Variants in CDIN1 observed in about 807,000 individuals in gnomAD.
The protein encoded by CDIN1 is CDAN1-interacting nuclease 1.
CDIN1 carries 33 observed loss-of-function variants against 45.3 expected under a neutral mutation model. The observed-to-expected ratio is 0.73, with a 90% CI of 0.55 to 0.97. The LOEUF (loss-of-function observed/expected upper bound fraction) is 0.97, where lower values mean the gene tolerates loss of function less well. Among genes scored for constraint, CDIN1 ranks in the 50% least tolerant of loss-of-function variants. The probability of loss-of-function intolerance (pLI) is 0.00; values close to 1 mark genes in which losing one functional copy is unlikely to be tolerated. For synonymous variants in CDIN1, 118 were observed against 124.4 expected (o/e 0.95, Z 0.34); for missense variants, 303 against 339.4 (o/e 0.89, Z 0.84).
At chr15:36,752,043 G>C (rs925633623) in intron 10 of CDIN1, among the ~76,000 whole-genome samples, 5 of 152,104 alleles carry the variant, frequency 3.3e-5, no homozygotes, top group African/African-American at 1.2e-4. Flanking sequence ...GCTAATGGAT[G>C]CTGGGCTTAA....
rs535875682 is a variant in CDIN1 at position 36,623,187 on chromosome 15, A to G, written c.102-21091A>G. Among the ~76,000 whole-genome samples the G allele has an allele frequency of 6.6e-5, 10 of 152,228 alleles. No individual in the cohort carries two copies. The East Asian group carries it at 1.9e-3, about 29-fold the overall frequency. ...GTCACATTTTTAGGATGTTGTATAT[A>G]TGCCAAGGGAAATGTATGTTTTTCC... On this transcript the variant is annotated intron_variant, in intron 1 of 10. Coordinates refer to ENST00000566621, the MANE Select transcript of CDIN1 (RefSeq NM_001321759.2).
intron 1 of CDIN1, chr15:36,594,879 C>T: frequency 1.0e-6 from 1 of 985,266 alleles, no homozygotes. Flanking sequence ...TCTTTAATAC[C>T]ACCCCATTTC....
intron 5 of CDIN1, among the ~76,000 whole-genome samples, chr15:36,670,099 T>C (rs1266151540): frequency 6.6e-6 from 1 of 152,094 alleles, no homozygotes; most frequent in South Asian, 2.1e-4. Flanking sequence ...TCTCCCTGTT[T>C]ATTTATCATT....
chr15:36,746,051 G>A (rs2140954702), intron 10 of CDIN1, among the ~76,000 whole-genome samples: 1 of 152,280 alleles, frequency 6.6e-6, no homozygotes, highest in East Asian at 1.9e-4. Flanking sequence ...AGTACAATTA[G>A]AGCGAAAGGA....
chr15:36,634,297 G>T (rs895793860), intron 1 of CDIN1, among the ~76,000 whole-genome samples: 1 of 142,030 alleles, frequency 7.0e-6, no homozygotes, highest in African/African-American at 2.6e-5. Context: ...AGGCGTGGTG[G>T]TGCATGCCTG....
chr15:36,740,062 C>G (rs1482901012), intron 10 of CDIN1, among the ~76,000 whole-genome samples: 1 of 152,162 alleles, frequency 6.6e-6, no homozygotes, highest in Non-Finnish European at 1.5e-5. Context: ...GCTCTCCAAA[C>G]AAAAGTTGGG....
intron 5 of CDIN1, among the ~76,000 whole-genome samples, chr15:36,661,397 TAGGG>T (rs1403215667): frequency 6.6e-6 from 1 of 152,052 alleles, no homozygotes; most frequent in East Asian, 1.9e-4. Context: ...TAATAAGTAA[TAGGG>T]AGACTCTGTT....
intron 10 of CDIN1, chr15:36,747,280 C>T (rs1273809350): frequency 2.3e-5 from 7 of 310,926 alleles, no homozygotes; most frequent in Non-Finnish European, 2.9e-5. Flanking sequence ...AAATAATTTG[C>T]CTTTCAGGTC....
intron 5 of CDIN1, among the ~76,000 whole-genome samples, chr15:36,684,864 C>T (rs1246483889): frequency 1.3e-5 from 2 of 148,622 alleles, no homozygotes; most frequent in South Asian, 2.2e-4. Flanking sequence ...AGTTTATTTG[C>T]GTAGAGGTGT....
intron 5 of CDIN1, among the ~76,000 whole-genome samples, chr15:36,686,786 G>A (rs2042067838): frequency 6.9e-6 from 1 of 144,220 alleles, no homozygotes; most frequent in African/African-American, 2.6e-5. Flanking sequence ...GAGGGACAGA[G>A]GGACAGACAG....
intron 1 of CDIN1, among the ~76,000 whole-genome samples, chr15:36,635,858 C>T (rs1215602316): frequency 6.6e-6 from 1 of 152,060 alleles, no homozygotes; most frequent in Non-Finnish European, 1.5e-5. Context: ...TTAGACATTA[C>T]TGAAGAGAGG....
At chr15:36,726,057 A>G (rs2043613439) in intron 10 of CDIN1, among the ~76,000 whole-genome samples, 1 of 152,180 alleles carries the variant, frequency 6.6e-6, no homozygotes, top group Admixed American at 6.5e-5. Flanking sequence ...TCCAAATGTG[A>G]TAACTGTCTA....
At chr15:36,806,087 C>T (rs1473654288) in intron 10 of CDIN1, among the ~76,000 whole-genome samples, 1 of 152,190 alleles carries the variant, frequency 6.6e-6, no homozygotes, top group African/African-American at 2.4e-5. Context: ...ATGAATCCTA[C>T]TCAAAATGTT....
chr15:36,717,743 A>T (rs1302608963), intron 10 of CDIN1, among the ~76,000 whole-genome samples: 1 of 152,148 alleles, frequency 6.6e-6, no homozygotes, highest in African/African-American at 2.4e-5. Flanking sequence ...ACCTTTTTAC[A>T]AAATGACTAA....
At chr15:36,661,542 G>A (rs2041014806) in intron 5 of CDIN1, among the ~76,000 whole-genome samples, 2 of 152,212 alleles carry the variant, frequency 1.3e-5, no homozygotes, top group South Asian at 4.2e-4. Flanking sequence ...ATTGGAAAGT[G>A]CTGACCAGTT....
chr15:36,631,004 A>G (rs950068431), intron 1 of CDIN1, among the ~76,000 whole-genome samples: 8 of 152,236 alleles, frequency 5.3e-5, no homozygotes, highest in Non-Finnish European at 1.2e-4. Flanking sequence ...ACCAACCTTC[A>G]ACATGAGATT....
At chr15:36,685,878 T>C (rs1270957356) in intron 5 of CDIN1, among the ~76,000 whole-genome samples, 1 of 152,024 alleles carries the variant, frequency 6.6e-6, no homozygotes, top group Non-Finnish European at 1.5e-5. Flanking sequence ...TCACACCAGT[T>C]AGAATGGCAA....
chr15:36,751,188 C>A (rs1041378622), intron 10 of CDIN1, among the ~76,000 whole-genome samples: 1 of 132,306 alleles, frequency 7.6e-6, no homozygotes, highest in African/African-American at 2.9e-5. Context: ...CCAAGAACTT[C>A]ATTCCATTTT....
At chr15:36,698,419 A>G (rs2042514614) in intron 8 of CDIN1, among the ~76,000 whole-genome samples, 1 of 152,210 alleles carries the variant, frequency 6.6e-6, no homozygotes, top group African/African-American at 2.4e-5. Context: ...TCAAGTCACT[A>G]AATTAAATTT....
Sources: gnomAD v4.1 joint callset for allele counts (sites outside exome capture counted in the v4.1 genomes callset) on GRCh38, gnomAD v4.1.1 for gene constraint, MANE v1.5 for transcripts, NCBI Gene and HGNC (gene_info 2026-07-23, HGNC 2026-07-21) for gene names.